PIP4P2: variants seen among roughly 807,000 people sequenced by gnomAD.
PIP4P2 encodes the protein phosphatidylinositol-4,5-bisphosphate 4-phosphatase 2.
PIP4P2 carries 19 observed loss-of-function variants against 33.3 expected under a neutral mutation model. The observed-to-expected ratio is 0.57, with a 90% CI of 0.40 to 0.84. PIP4P2 has a LOEUF of 0.84. Ranked by LOEUF, PIP4P2 falls within the 40% of genes least tolerant of loss-of-function variation. The pLI, the probability that PIP4P2 is intolerant of heterozygous loss-of-function variation, is 0.00. For synonymous variants in PIP4P2, 110 were observed against 111.9 expected (o/e 0.98, Z 0.11); for missense variants, 270 against 324.7 (o/e 0.83, Z 1.29).
In PIP4P2 at chr8:91,036,408, C is replaced by T. The variant is rs570942842; in HGVS notation, c.106+4236G>A. 4.6e-5 allele frequency among the ~76,000 whole-genome samples: 7 copies of T among 152,266 alleles called. No homozygotes were observed. In the South Asian group the frequency reaches 1.2e-3, roughly 27 times the overall value. ...AACTCGGTCCTCTTCTGGTGTTCTC[C>T]GTCTTCTGGTGTTCTGGTAATCACA... On this transcript the variant is annotated intron_variant, in intron 1 of 6. Transcript: ENST00000285419.
intron 1 of PIP4P2, among the ~76,000 whole-genome samples, chr8:91,024,549 C>T (rs969771961): frequency 6.6e-6 from 1 of 152,028 alleles, no homozygotes; most frequent in Non-Finnish European, 1.5e-5. Flanking sequence ...TCAGCTTCCT[C>T]GGTAGCTGGG....
intron 1 of PIP4P2, among the ~76,000 whole-genome samples, chr8:91,028,933 T>G (rs916039054): frequency 1.3e-5 from 2 of 152,212 alleles, no homozygotes; most frequent in Admixed American, 6.5e-5. Context: ...GAATATCCAG[T>G]GAATAAATCC....
At chr8:91,014,253 G>T (rs1811881192) in intron 4 of PIP4P2, among the ~76,000 whole-genome samples, 1 of 152,116 alleles carries the variant, frequency 6.6e-6, no homozygotes, top group African/African-American at 2.4e-5. Flanking sequence ...TACTTTTAAA[G>T]GTGGAGGCTG....
chr8:91,038,534 A>C (rs1398712558), intron 1 of PIP4P2, among the ~76,000 whole-genome samples: 1 of 152,096 alleles, frequency 6.6e-6, no homozygotes, highest in African/African-American at 2.4e-5. Flanking sequence ...CTTTCTCCCT[A>C]ATACAATATA....
At chr8:91,030,609 A>G (rs1367011392) in intron 1 of PIP4P2, among the ~76,000 whole-genome samples, 1 of 152,222 alleles carries the variant, frequency 6.6e-6, no homozygotes. Flanking sequence ...GCATATGCTC[A>G]GAATTGTTAC....
rs895013936 is a variant in PIP4P2, at chr8:90,994,333, T to A, written c.*1344A>T. On this transcript the variant is annotated 3_prime_UTR_variant, in exon 7 of 7. Coordinates refer to ENST00000285419, the MANE Select transcript of PIP4P2 (RefSeq NM_018710.3). ...GTACATATAATCCTGAGCTACAGCA[T>A]TTATACATTTGTCATTTACTCTTTG... 2.6e-5 allele frequency: 4 copies of A among 152,146 alleles called. No homozygotes were observed. Among genetic ancestry groups the A allele is most frequent in the African/African-American group, 7.2e-5 (3 of 41,450 alleles). 9.4% of individuals were successfully genotyped at this position (152,146 alleles called of 1,614,324 possible).
At chr8:91,008,021 T>C (rs1811785431) in intron 5 of PIP4P2, among the ~76,000 whole-genome samples, 4 of 152,170 alleles carry the variant, frequency 2.6e-5, no homozygotes, top group Admixed American at 2.0e-4. Flanking sequence ...GTCCCTAGTT[T>C]CCTCCAGACT....
At chr8:91,007,399 TA>T (rs1811777700) in intron 5 of PIP4P2, among the ~76,000 whole-genome samples, 1 of 152,228 alleles carries the variant, frequency 6.6e-6, no homozygotes, top group Non-Finnish European at 1.5e-5. Flanking sequence ...ACTTTTTAAT[TA>T]CTTTCTCCTA....
chr8:91,007,031 T>C (rs181227406), intron 5 of PIP4P2, among the ~76,000 whole-genome samples: 1 of 152,352 alleles, frequency 6.6e-6, no homozygotes, highest in East Asian at 1.9e-4. Flanking sequence ...TTAATGTTCT[T>C]GGTGAATATA....
At chr8:91,035,306 T>C (rs181602878) in intron 1 of PIP4P2, among the ~76,000 whole-genome samples, 26 of 152,288 alleles carry the variant, frequency 1.7e-4, no homozygotes, top group South Asian at 1.0e-3. Context: ...TAAAGGTACA[T>C]TGGAATATTA....
chr8:91,003,790 A>G (rs912767016), intron 5 of PIP4P2, among the ~76,000 whole-genome samples: 1 of 152,192 alleles, frequency 6.6e-6, no homozygotes, highest in South Asian at 2.1e-4. Flanking sequence ...AAATAGCAAA[A>G]TTTAACAACT....
intron 1 of PIP4P2, among the ~76,000 whole-genome samples, chr8:91,030,399 T>C (rs1447561559): frequency 6.6e-6 from 1 of 152,094 alleles, no homozygotes; most frequent in African/African-American, 2.4e-5. Context: ...AAATAACATA[T>C]GCAACTGCAA....
chr8:91,016,761 T>A (rs1230401609), intron 4 of PIP4P2: 1 of 152,138 alleles, frequency 6.6e-6, no homozygotes, highest in Non-Finnish European at 1.5e-5. Flanking sequence ...TTCATGATGA[T>A]GGTGAAGGGA....
At chr8:91,018,552 A>G (rs1811953637) in intron 3 of PIP4P2, 39 bp from the exon 4 acceptor site, 27 of 1,612,718 alleles carry the variant, frequency 1.7e-5, no homozygotes, top group Non-Finnish European at 2.2e-5. Flanking sequence ...CTATCCCACA[A>G]ATGGACTGAG....
intron 1 of PIP4P2, among the ~76,000 whole-genome samples, chr8:91,024,072 G>A (rs548944426): frequency 3.3e-5 from 5 of 152,164 alleles, no homozygotes; most frequent in African/African-American, 9.6e-5. Context: ...AATGCACTGA[G>A]AGAGGTGAAG....
At chr8:91,012,344 A>G (rs905852267) in intron 4 of PIP4P2, among the ~76,000 whole-genome samples, 12 of 152,156 alleles carry the variant, frequency 7.9e-5, no homozygotes, top group Admixed American at 2.6e-4. Flanking sequence ...AGTCTAAAAC[A>G]AAGTAGGAAA....
At chr8:91,003,645 G>A (rs1811729016) in intron 5 of PIP4P2, among the ~76,000 whole-genome samples, 2 of 152,028 alleles carry the variant, frequency 1.3e-5, no homozygotes, top group South Asian at 4.1e-4. Flanking sequence ...ATAATTCTAG[G>A]CTAGATAGTG....
chr8:91,003,954 GA>G (rs1811733258), intron 5 of PIP4P2, among the ~76,000 whole-genome samples: 1 of 111,326 alleles, frequency 9.0e-6, no homozygotes, highest in African/African-American at 3.5e-5. Context: ...ACAGGAGATA[GA>G]TAGATAGATA....
intron 1 of PIP4P2, among the ~76,000 whole-genome samples, chr8:91,028,714 A>C (rs1283796192): frequency 6.6e-6 from 1 of 152,188 alleles, no homozygotes; most frequent in Non-Finnish European, 1.5e-5. Context: ...TCCCTGGGGA[A>C]ATTTCAGAGA....
Sources: gnomAD v4.1 joint callset for allele counts (sites outside exome capture counted in the v4.1 genomes callset) on GRCh38, gnomAD v4.1.1 for gene constraint, MANE v1.5 for transcripts, NCBI Gene and HGNC (gene_info 2026-07-23, HGNC 2026-07-21) for gene names.